The following E2F2 variants were observed in gnomAD, a reference collection of about 807,000 sequenced individuals.
E2F2 encodes the protein E2F transcription factor 2, also known as transcription factor E2F2.
Under a neutral mutation model 42.2 loss-of-function variants are expected in E2F2, and 22 were observed. The ratio of observed to expected loss-of-function variants is 0.52; its 90% CI spans 0.37 to 0.74. The LOEUF is 0.74. E2F2 is among the 30% of genes least tolerant of loss of function. The pLI is 0.00. For missense variants in E2F2, 481 were observed against 557.8 expected (o/e 0.86, Z 1.39); for synonymous variants, 248 against 251.6 (o/e 0.99, Z 0.13).
intron 4 of E2F2, among the ~76,000 whole-genome samples, chr1:23,519,684 C>G (rs1278208413): frequency 3.9e-5 from 6 of 152,148 alleles, no homozygotes; most frequent in Middle Eastern, 3.2e-3. Flanking sequence ...AATCCTAGCA[C>G]TTTGGGAGGC....
chr1:23,510,741 A>G (rs1344897058), intron 6 of E2F2, among the ~76,000 whole-genome samples: 1 of 152,214 alleles, frequency 6.6e-6, no homozygotes, highest in African/African-American at 2.4e-5. Context: ...ATACTTAGTC[A>G]AAATCGCAGG....
chr1:23,531,127 G>A lies in E2F2; in HGVS notation c.-334C>T. On this transcript the variant is annotated 5_prime_UTR_variant, in exon 1 of 7. Coordinates refer to ENST00000361729, the MANE Select transcript of E2F2 (RefSeq NM_004091.4). Reference sequence around the variant, plus strand: ...CGGCCGGCTCTGGGGAGGGGTCCCCGGCGTGCCCTCAAGCTCGGCGGAGAC... The same window carrying A: ...CGGCCGGCTCTGGGGAGGGGTCCCCAGCGTGCCCTCAAGCTCGGCGGAGAC... 3.4e-6 allele frequency: 1 copy of A among 291,096 alleles called. No homozygotes were observed. Among genetic ancestry groups the A allele is most frequent in the Non-Finnish European group, 6.4e-6 (1 of 157,082 alleles). The allele number at this position is 291,096 out of a possible 1,614,324, so 18.0% of individuals were successfully genotyped here. A position where few individuals can be genotyped will look rare whatever the true frequency, so the allele number is the denominator to read the frequency against.
chr1:23,527,508 T>C (rs928544720), intron 1 of E2F2, among the ~76,000 whole-genome samples: 1 of 152,178 alleles, frequency 6.6e-6, no homozygotes, highest in Non-Finnish European at 1.5e-5. Flanking sequence ...GCTGCAGAAG[T>C]GCAGAGGGTC....
chr1:23,525,485 G>A (rs190936911), intron 1 of E2F2, among the ~76,000 whole-genome samples: 36 of 152,180 alleles, frequency 2.4e-4, no homozygotes, highest in African/African-American at 8.4e-4. Flanking sequence ...CACATCTAAG[G>A]AGCCTCAGTT....
At chr1:23,524,624 C>T (rs936662684) in intron 1 of E2F2, 136 bp from the exon 2 acceptor site, 16 of 649,820 alleles carry the variant, frequency 2.5e-5, no homozygotes, top group Non-Finnish European at 4.2e-5. Context: ...CCTGGTGAAG[C>T]ACTGCTGTAC....
At chr1:23,519,980 A>C (rs1358449519) in intron 4 of E2F2, among the ~76,000 whole-genome samples, 2 of 151,670 alleles carry the variant, frequency 1.3e-5, no homozygotes, top group Non-Finnish European at 2.9e-5. Flanking sequence ...TGGAAGGCTG[A>C]GGCAGGAGAA....
intron 4 of E2F2, chr1:23,519,456 C>G (rs1643093282): frequency 5.7e-6 from 1 of 176,104 alleles, no homozygotes; most frequent in African/African-American, 2.4e-5. Context: ...CTTTATATTT[C>G]TCACAATGCC....
chr1:23,517,742 G>A (rs1643052471), intron 5 of E2F2, among the ~76,000 whole-genome samples: 1 of 152,238 alleles, frequency 6.6e-6, no homozygotes, highest in African/African-American at 2.4e-5. Context: ...AAGCACAGGT[G>A]TTTATGAAGT....
chr1:23,509,889 C>T lies in E2F2; in HGVS notation c.1305G>A (p.Leu435=). The T allele has an allele frequency of 6.5e-7, 1 of 1,542,718 alleles. No homozygotes were observed. Among genetic ancestry groups the T allele is most frequent in the Non-Finnish European group, 8.8e-7 (1 of 1,141,062 alleles). Residue 435 remains leucine (L), a synonymous_variant, in exon 7 of 7, where the codon TTG becomes TTA. Coordinates refer to ENST00000361729, the MANE Select transcript of E2F2 (RefSeq NM_004091.4). ...LFDSYDLGDL[L]IN ...GGGCAGGCAGGGCCACTCAATTAAT[C>T]AACAGGTCCCCAAGGTCGTAGGAGT...
rs756515833 is a variant in E2F2, at chr1:23,516,442, G to A, written c.938C>T (p.Pro313Leu). The change falls in exon 6 of 7, where the codon CCT becomes CTT. Residue 313 changes from proline (P) to leucine (L), a missense_variant. Transcript: ENST00000361729. ...CPEEVQEPDS[P>L]SEEPLPSTST... Reference sequence around the variant, plus strand: ...GGTAGAGGGGAGAGGCTCCTCGGAAGGACTGTCCGGCTCCTGCACCTCCTC... The same window carrying A: ...GGTAGAGGGGAGAGGCTCCTCGGAAAGACTGTCCGGCTCCTGCACCTCCTC... The A allele has an allele frequency of 8.1e-6, 13 of 1,606,636 alleles. No individual in the cohort carries two copies. The African/African-American group carries it at 1.3e-4, about 17-fold the overall frequency.
At chr1:23,511,961 G>A (rs899278235) in intron 6 of E2F2, among the ~76,000 whole-genome samples, 1 of 152,090 alleles carries the variant, frequency 6.6e-6, no homozygotes, top group Non-Finnish European at 1.5e-5. Context: ...ACTTTGGGAG[G>A]GCGAGGCAGG....
rs1177707366 is a variant in E2F2, at chr1:23,530,155, A to C, written c.252+387T>G. On this transcript the variant is annotated intron_variant, in intron 1 of 6. Coordinates refer to ENST00000361729, the MANE Select transcript of E2F2 (RefSeq NM_004091.4). The surrounding 1 kb of genome is among the most constrained non-coding windows in gnomAD (Gnocchi z 4.4). ...CAAAGTCCCACAGTGTCCCCAGGCC[A>C]TACTCTTTGCCTGGACAATAGCAGG... Among the ~76,000 whole-genome samples, 1 of 152,202 alleles carries C rather than the reference A, an allele frequency of 6.6e-6. No homozygotes were observed. The highest frequency in any genetic ancestry group is 1.5e-5 in the Non-Finnish European group (1 of 68,028).
At chr1:23,518,651 T>C (rs1643074346) in intron 5 of E2F2, among the ~76,000 whole-genome samples, 1 of 151,924 alleles carries the variant, frequency 6.6e-6, no homozygotes, top group Non-Finnish European at 1.5e-5. Context: ...CGAAGCCTCA[T>C]AGGGAGTGTC....
chr1:23,519,020 G>C lies in E2F2; in HGVS notation c.848C>G (p.Thr283Ser). The change falls in exon 5 of 7, where the codon ACT becomes AGT. Residue 283 changes from threonine to serine, a missense_variant. By Grantham distance (58) the Thr-to-Ser change is moderately conservative (BLOSUM62 1). Coordinates refer to ENST00000361729, the MANE Select transcript of E2F2 (RefSeq NM_004091.4). ...PQTRLEVPDR[T>S]EDNLQIYLKS... ...ACCAAATATTTCCCCTCTCACCTCA[G>C]TCCTGTCGGGCACTTCCAGTCTCGT... 6.2e-7 allele frequency: 1 copy of C among 1,613,494 alleles called. No homozygotes were observed. Among genetic ancestry groups the C allele is most frequent in the Non-Finnish European group, 8.5e-7 (1 of 1,179,566 alleles).
chr1:23,528,700 T>C (rs1020353153), intron 1 of E2F2, among the ~76,000 whole-genome samples: 2 of 152,318 alleles, frequency 1.3e-5, no homozygotes, highest in Admixed American at 1.3e-4. Flanking sequence ...CTAAGATCAC[T>C]GAGCCCTTCT....
intron 5 of E2F2, among the ~76,000 whole-genome samples, chr1:23,516,883 C>G (rs1009693219): frequency 6.7e-6 from 1 of 150,226 alleles, no homozygotes; most frequent in Non-Finnish European, 1.5e-5. Flanking sequence ...ATGATTGGTT[C>G]AGGATGGCCC....
intron 6 of E2F2, among the ~76,000 whole-genome samples, chr1:23,516,021 G>A (rs982640935): frequency 5.9e-5 from 9 of 152,208 alleles, no homozygotes; most frequent in Non-Finnish European, 1.2e-4. Flanking sequence ...GAGTTAGACA[G>A]TATTAATTAC....
rs1558254149 is a variant in E2F2, at chr1:23,524,481, C to G, written c.260G>C (p.Arg87Thr). The change falls in exon 2 of 7, where the codon AGG becomes ACG. Residue 87 changes from arginine to threonine, a missense_variant. By Grantham distance (71) the Arg-to-Thr change is moderately conservative. Coordinates refer to ENST00000361729, the MANE Select transcript of E2F2 (RefSeq NM_004091.4). ...CCCAATCCCCTCCAGATCCAGCTTC[C>G]TTTTGGCCTTGGAGAAAAGGGGGAG... is the stretch of plus-strand genomic sequence containing the variant. ...CLPAGRLPAK[R>T]KLDLEGIGRP... The G allele has an allele frequency of 6.2e-7, 1 of 1,613,504 alleles. No homozygotes were observed. Among genetic ancestry groups the G allele is most frequent in the East Asian group, 2.2e-5 (1 of 44,784 alleles).
intron 6 of E2F2, among the ~76,000 whole-genome samples, chr1:23,512,421 T>C (rs942221087): frequency 6.6e-6 from 1 of 151,598 alleles, no homozygotes; most frequent in Non-Finnish European, 1.5e-5. Context: ...ATGAGAAAAC[T>C]AGGGCCCAAA....
Sources: gnomAD v4.1 joint callset for allele counts (sites outside exome capture counted in the v4.1 genomes callset) on GRCh38, gnomAD v4.1.1 for gene constraint, Gnocchi (gnomAD v3.1) non-coding constraint, MANE v1.5 for transcripts, NCBI Gene and HGNC (gene_info 2026-07-23, HGNC 2026-07-21) for gene names.